Variants in SEMA5B observed in about 807,000 individuals in gnomAD.
SEMA5B encodes semaphorin-5B.
In SEMA5B, 66 loss-of-function variants were observed where a neutral mutation model predicts 135.0. The ratio of observed to expected loss-of-function variants is 0.49; its 90% CI spans 0.40 to 0.60. The LOEUF (loss-of-function observed/expected upper bound fraction) is 0.60, where lower values mean the gene tolerates loss of function less well. SEMA5B is among the 20% of genes least tolerant of loss of function. The pLI is 0.00. For missense variants in SEMA5B, 1,501 were observed against 1,566.3 expected, an observed-to-expected ratio of 0.96 and a Z score of 0.70; for synonymous variants, 690 against 639.5, an observed-to-expected ratio of 1.08 and a Z score of -1.19.
At position 122,966,858 on chromosome 3, in the gene SEMA5B, T is replaced by C. The variant is rs1297929102; in HGVS notation, c.-38-5557A>G. On this transcript the variant is annotated intron_variant, in intron 1 of 22. Coordinates refer to ENST00000357599, the MANE Select transcript of SEMA5B (RefSeq NM_001031702.4). ...CAGGCGTGAGCCACCACACCCGGCC[T>C]ATTACTATTATTATTATTATTATTA... Among the ~76,000 whole-genome samples the C allele has an allele frequency of 2.4e-5, 2 of 83,488 alleles. 1 individual carries two copies. The highest frequency in any genetic ancestry group is 4.1e-5 in the Non-Finnish European group (2 of 48,596). 54.8% of individuals were successfully genotyped at this position (83,488 alleles called of 152,430 possible).
At chr3:123,025,040 A>G (rs1942767703) in intron 1 of SEMA5B, among the ~76,000 whole-genome samples, 1 of 152,310 alleles carries the variant, frequency 6.6e-6, no homozygotes, top group East Asian at 1.9e-4. Flanking sequence ...AGGGTCTTTC[A>G]AACAAGCCAG....
intron 1 of SEMA5B, among the ~76,000 whole-genome samples, chr3:122,994,599 G>A (rs1941979915): frequency 6.6e-6 from 1 of 152,160 alleles, no homozygotes; most frequent in African/African-American, 2.4e-5. Context: ...GATCACCACA[G>A]GCTGTGCCAC....
At chr3:122,936,632 T>G (rs1315764448) in intron 5 of SEMA5B, among the ~76,000 whole-genome samples, 2 of 152,228 alleles carry the variant, frequency 1.3e-5, no homozygotes, top group Admixed American at 6.5e-5. Context: ...CACGAGCTCC[T>G]AATTGCCAAC....
At chr3:122,988,957 G>A (rs1576393924) in intron 1 of SEMA5B, among the ~76,000 whole-genome samples, 1 of 152,258 alleles carries the variant, frequency 6.6e-6, no homozygotes, top group Non-Finnish European at 1.5e-5. Flanking sequence ...TCTGCCATCA[G>A]TGTACTTAAG....
At chr3:122,923,540 T>A in intron 10 of SEMA5B, 77 bp downstream of exon 10, 2 of 1,530,442 alleles carry the variant, frequency 1.3e-6, no homozygotes, top group Non-Finnish European at 1.8e-6. Context: ...TGCTAAGCAG[T>A]TGGGAATCAG....
chr3:122,937,081 G>T (rs139063786), intron 5 of SEMA5B, among the ~76,000 whole-genome samples: 2 of 152,238 alleles, frequency 1.3e-5, no homozygotes, highest in African/African-American at 4.8e-5. Flanking sequence ...GAATCAGTTG[G>T]CTCCATAATG....
chr3:122,919,694 T>C (rs533754540), intron 12 of SEMA5B, among the ~76,000 whole-genome samples: 1 of 152,202 alleles, frequency 6.6e-6, no homozygotes, highest in South Asian at 2.1e-4. Context: ...GGTGACTGTG[T>C]GTACTTAATC....
chr3:122,982,937 CGA>C, intron 1 of SEMA5B, among the ~76,000 whole-genome samples: 1 of 152,290 alleles, frequency 6.6e-6, no homozygotes, highest in Non-Finnish European at 1.5e-5. Context: ...TTCTCTCTTT[CGA>C]GAGTCACTCT....
At chr3:123,011,675 C>T (rs1372704148) in intron 1 of SEMA5B, among the ~76,000 whole-genome samples, 3 of 152,184 alleles carry the variant, frequency 2.0e-5, no homozygotes, top group Non-Finnish European at 2.9e-5. Context: ...CCAGGACACA[C>T]GCTCCTAACA....
At chr3:122,937,441 C>T (rs1387218454) in intron 5 of SEMA5B, among the ~76,000 whole-genome samples, 1 of 152,226 alleles carries the variant, frequency 6.6e-6, no homozygotes, top group Non-Finnish European at 1.5e-5. Context: ...GTTCTCTCCC[C>T]TCTGTGGACA....
At chr3:122,974,161 T>A (rs557098266) in intron 1 of SEMA5B, among the ~76,000 whole-genome samples, 1 of 152,102 alleles carries the variant, frequency 6.6e-6, no homozygotes, top group East Asian at 1.9e-4. Flanking sequence ...AGCCGGCAGG[T>A]GGTTGGCTGA....
intron 15 of SEMA5B, 49 bp downstream of exon 15, chr3:122,913,809 G>A (rs1055818281): frequency 6.4e-7 from 1 of 1,565,468 alleles, no homozygotes; most frequent in Non-Finnish European, 8.7e-7. Flanking sequence ...GCCACTTTCT[G>A]GGGGGCCCGG....
At chr3:122,966,554 A>ATTTTTTTTTTTTTT (rs1335935235) in intron 1 of SEMA5B, among the ~76,000 whole-genome samples, 76 of 147,032 alleles carry the variant, frequency 5.2e-4, no homozygotes, top group African/African-American at 1.9e-3. Flanking sequence ...TATTATTATT[A>ATTTTTTTTTTTTTT]TTATTATTAT....
intron 10 of SEMA5B, among the ~76,000 whole-genome samples, chr3:122,923,079 C>G (rs191146108): frequency 6.6e-6 from 1 of 152,152 alleles, no homozygotes; most frequent in African/African-American, 2.4e-5. Context: ...CATCCCACCC[C>G]CTGGGTGGGA....
At chr3:122,915,643 A>G (rs1168875390) in intron 13 of SEMA5B, 22 bp from the exon 14 acceptor site, 1 of 1,604,728 alleles carries the variant, frequency 6.2e-7, no homozygotes, top group Non-Finnish European at 8.5e-7. Flanking sequence ...CATGGGAGAC[A>G]GTACCCCTAT....
In SEMA5B at chr3:122,989,752, G is replaced by A. The variant is rs115007024; in HGVS notation, c.-38-28451C>T. Among the ~76,000 whole-genome samples the A allele has an allele frequency of 3.3e-3, 504 of 152,338 alleles. 4 individuals carry two copies. The highest frequency in any genetic ancestry group is 0.012 in the African/African-American group (481 of 41,582). The stretch of plus-strand genomic sequence containing the variant: ...TTTACCCCAAAGCTGCCTGTCTGGC[G>A]AGATTTCTCTCCCTTACTCCAATGT... On this transcript the variant is annotated intron_variant, in intron 1 of 22. Coordinates refer to ENST00000357599, the MANE Select transcript of SEMA5B (RefSeq NM_001031702.4).
chr3:122,918,106 G>GA (rs201596866), intron 12 of SEMA5B, among the ~76,000 whole-genome samples: 1,715 of 152,164 alleles, frequency 0.011, 31 homozygotes, highest in Middle Eastern at 0.061. Context: ...AAATTAACTG[G>GA]AAAAAAGAAT....
chr3:123,018,559 C>T (rs1942610668), intron 1 of SEMA5B, among the ~76,000 whole-genome samples: 1 of 152,186 alleles, frequency 6.6e-6, no homozygotes, highest in African/African-American at 2.4e-5. Flanking sequence ...AGGAAGAACC[C>T]AATCGGGACC....
In SEMA5B at chr3:122,946,760, A is replaced by T. The variant is rs114884508; in HGVS notation, c.328+1746T>A. Among the ~76,000 whole-genome samples, 232 of 152,304 alleles carry T rather than the reference A, an allele frequency of 1.5e-3. 1 individual carries two copies. The highest frequency in any genetic ancestry group is 5.4e-3 in the African/African-American group (223 of 41,554). On this transcript the variant is annotated intron_variant, in intron 3 of 22. Coordinates refer to ENST00000357599, the MANE Select transcript of SEMA5B (RefSeq NM_001031702.4). ...CACAGCATCCCCTTCTGTGCCTGGC[A>T]CAAAGCAGGGCCCAATAAAAATTCA...
Sources: gnomAD v4.1 joint callset for allele counts (sites outside exome capture counted in the v4.1 genomes callset) on GRCh38, gnomAD v4.1.1 for gene constraint, MANE v1.5 for transcripts, NCBI Gene and HGNC (gene_info 2026-07-23, HGNC 2026-07-21) for gene names.